NCOR1: variants seen among roughly 807,000 people sequenced by gnomAD.
NCOR1 encodes nuclear receptor corepressor 1.
NCOR1 carries 63 observed loss-of-function variants against 288.1 expected under a neutral mutation model. The ratio of observed to expected loss-of-function variants is 0.22; its 90% CI spans 0.18 to 0.27. The LOEUF is 0.27. NCOR1 is among the 10% of genes least tolerant of loss of function. The pLI, the probability that NCOR1 is intolerant of heterozygous loss-of-function variation, is 1.00. For missense variants in NCOR1, 2,397 were observed against 3,019.2 expected (o/e 0.79, Z 4.83); for synonymous variants, 1,007 against 1,065.9 (o/e 0.94, Z 1.08).
At chr17:16,058,245 G>T (rs2060155256) in intron 38 of NCOR1, 181 bp from the exon 39 acceptor site, 15 of 860,404 alleles carry the variant, frequency 1.7e-5, no homozygotes, top group Non-Finnish European at 2.4e-5. Context: ...AGGACTAGTG[G>T]AACAAAATAT....
Position 16,048,864 on chromosome 17 carries a change from C to T in NCOR1, c.6517G>A (p.Ala2173Thr), listed in dbSNP as rs746349109. 5 of 1,612,694 alleles carry T rather than the reference C, an allele frequency of 3.1e-6. No homozygotes were observed. Among genetic ancestry groups the T allele is most frequent in the South Asian group, 2.2e-5 (2 of 90,864 alleles). The part of the protein sequence containing the change: ...DSLLLLSQRG[A>T]EPAEQRNDAR... ...ACTTACCTCTGCTCTGCAGGCTCTGCGCCCCTCTGAGACAAGAGCAGCAAG... is the reference window on the plus strand; with the variant it reads ...ACTTACCTCTGCTCTGCAGGCTCTGTGCCCCTCTGAGACAAGAGCAGCAAG... The change falls in exon 41 of 46, where the codon GCA becomes ACA. Residue 2173 changes from alanine to threonine, a missense_variant. Physicochemically the swap from Ala to Thr is moderately conservative, Grantham distance 58. This residue lies in a region of NCOR1 where 1,872 missense variants were observed against 2,187.8 expected (regional missense o/e 0.86). Transcript: ENST00000268712.
chr17:16,194,706 A>G (rs2089377493), intron 1 of NCOR1, 67 bp from the exon 2 acceptor site: 4 of 510,058 alleles, frequency 7.8e-6, no homozygotes, highest in East Asian at 6.0e-5. Context: ...CTAATAAATT[A>G]TAACTATAGC....
intron 8 of NCOR1, among the ~76,000 whole-genome samples, chr17:16,149,735 T>G (rs1480526624): frequency 1.3e-5 from 2 of 152,158 alleles, no homozygotes; most frequent in Non-Finnish European, 2.9e-5. Context: ...ACAGTAAGAC[T>G]TAATACAAAA....
intron 1 of NCOR1, among the ~76,000 whole-genome samples, chr17:16,204,661 A>G (rs2091269895): frequency 6.6e-6 from 1 of 152,232 alleles, no homozygotes; most frequent in African/African-American, 2.4e-5. Flanking sequence ...TGGAGTAAGG[A>G]AAGTCTTAAG....
intron 40 of NCOR1, 105 bp downstream of exon 40, chr17:16,057,409 G>A: frequency 8.9e-7 from 1 of 1,122,356 alleles, no homozygotes; most frequent in Non-Finnish European, 1.3e-6. Context: ...TGGGAATAAA[G>A]GCAAATGAAC....
intron 18 of NCOR1, 124 bp downstream of exon 18, chr17:16,117,764 G>A (rs939605893): frequency 1.9e-6 from 2 of 1,035,886 alleles, no homozygotes; most frequent in African/African-American, 3.3e-5. Flanking sequence ...AGAGTTTGCA[G>A]TGAGCCAAGA....
At chr17:16,097,276 C>T (rs2066810456) in intron 21 of NCOR1, among the ~76,000 whole-genome samples, 1 of 152,198 alleles carries the variant, frequency 6.6e-6, no homozygotes, top group African/African-American at 2.4e-5. Flanking sequence ...TAGGATGTCT[C>T]TTAATATTTT....
chr17:16,212,912 C>CAA (rs1004252574), intron 1 of NCOR1, among the ~76,000 whole-genome samples: 1 of 144,622 alleles, frequency 6.9e-6, no homozygotes, highest in African/African-American at 2.5e-5. Context: ...TCTCTACAAA[C>CAA]AAAAAAAAAA....
chr17:16,185,427 T>G (rs1432037675), intron 3 of NCOR1, among the ~76,000 whole-genome samples: 1 of 152,032 alleles, frequency 6.6e-6, no homozygotes, highest in Non-Finnish European at 1.5e-5. Context: ...CTCATGCCTA[T>G]GATCCCAACA....
chr17:16,171,810 G>T lies in NCOR1; in HGVS notation c.428C>A (p.Ala143Asp). The T allele has an allele frequency of 6.3e-7, 1 of 1,586,452 alleles. No individual in the cohort carries two copies. Among genetic ancestry groups the T allele is most frequent in the Non-Finnish European group, 8.5e-7 (1 of 1,169,754 alleles). Residue 143 changes from alanine to aspartate, a missense_variant, in exon 4 of 46, where the codon GCT becomes GAT. This residue lies in a region of NCOR1 where 110 missense variants were observed against 123.2 expected (regional missense o/e 0.89). Coordinates refer to ENST00000268712, the MANE Select transcript of NCOR1 (RefSeq NM_006311.4). ...AAGAGAACAAATATTTACCTTCTTA[G>T]CATCTGCAGAAGCCCTCAGCCCTTC... Reference protein sequence around the residue: ...LPEGLRASADAKKDPAFGGKH... With the variant: ...LPEGLRASADDKKDPAFGGKH...
intron 11 of NCOR1, among the ~76,000 whole-genome samples, chr17:16,141,194 G>A (rs2077100269): frequency 6.6e-6 from 1 of 152,114 alleles, no homozygotes; most frequent in South Asian, 2.1e-4. Flanking sequence ...CTCTAGAAAT[G>A]GCTAAGATCC....
chr17:16,185,683 C>CAAA (rs58712974), intron 3 of NCOR1, among the ~76,000 whole-genome samples: 2,926 of 33,350 alleles, frequency 0.088, 600 homozygotes, highest in Non-Finnish European at 0.098. Context: ...GACTCTTTCT[C>CAAA]AAAAAAAAAA....
intron 8 of NCOR1, chr17:16,151,502 G>A (rs1038054817): frequency 1.5e-5 from 13 of 889,010 alleles, no homozygotes; most frequent in African/African-American, 3.5e-5. Flanking sequence ...AAAATGATCC[G>A]TGGCACTTCT....
chr17:16,045,879 G>A (rs1036090410), intron 42 of NCOR1, among the ~76,000 whole-genome samples: 5 of 151,720 alleles, frequency 3.3e-5, no homozygotes, highest in Non-Finnish European at 4.4e-5. Context: ...TGATGCGATC[G>A]TAGCTCACTG....
chr17:16,107,765 G>A (rs567085235), intron 19 of NCOR1, among the ~76,000 whole-genome samples: 3 of 151,990 alleles, frequency 2.0e-5, no homozygotes, highest in African/African-American at 4.8e-5. Flanking sequence ...CCCTACCCTC[G>A]GGTGGGACTT....
chr17:16,092,680 TATA>T (rs2065519354), intron 21 of NCOR1, among the ~76,000 whole-genome samples: 1 of 22,560 alleles, frequency 4.4e-5, no homozygotes, highest in African/African-American at 2.3e-4. Context: ...TATATATATA[TATA>T]TATATATATA....
At chr17:16,112,018 C>T (rs1293365084) in intron 18 of NCOR1, among the ~76,000 whole-genome samples, 3 of 152,026 alleles carry the variant, frequency 2.0e-5, no homozygotes, top group Non-Finnish European at 2.9e-5. Flanking sequence ...TACAGGTGCC[C>T]GCCACCATGC....
chr17:16,091,381 T>A lies in NCOR1; in HGVS notation c.3016+482A>T, dbSNP rs573818245. Among the ~76,000 whole-genome samples, 5 of 152,346 alleles carry A rather than the reference T, an allele frequency of 3.3e-5. No individual in the cohort carries two copies. The East Asian group carries it at 7.7e-4, about 23-fold the overall frequency. ...ATGAGAAAACTAAAGCTATGAAAGGTTAAGTGACTTGCCTGTGGCCACACA... is the reference window on the plus strand; with the variant it reads ...ATGAGAAAACTAAAGCTATGAAAGGATAAGTGACTTGCCTGTGGCCACACA... On this transcript the variant is annotated intron_variant, in intron 22 of 45. Coordinates refer to ENST00000268712, the MANE Select transcript of NCOR1 (RefSeq NM_006311.4).
chr17:16,044,222 C>CAAT (rs1423186557), intron 42 of NCOR1, among the ~76,000 whole-genome samples: 1 of 146,048 alleles, frequency 6.8e-6, no homozygotes, highest in East Asian at 2.0e-4. Flanking sequence ...AGCCTGATAA[C>CAAT]AATTCTGGTC....
Sources: gnomAD v4.1 joint callset for allele counts (sites outside exome capture counted in the v4.1 genomes callset) on GRCh38, gnomAD v4.1.1 for gene constraint, gnomAD v4.1.1 regional missense constraint, MANE v1.5 for transcripts, NCBI Gene and HGNC (gene_info 2026-07-23, HGNC 2026-07-21) for gene names.